Variants in NLGN1 observed in about 807,000 individuals in gnomAD.
The protein encoded by NLGN1 is neuroligin 1.
In NLGN1, 12 loss-of-function variants were observed where a neutral mutation model predicts 65.5. The observed-to-expected ratio is 0.18, with a 90% confidence interval of 0.12 to 0.30. NLGN1 has a LOEUF of 0.30. Ranked by LOEUF, NLGN1 falls within the 10% of genes least tolerant of loss-of-function variation. The pLI is 1.00. For missense variants in NLGN1, 750 were observed against 1,007.1 expected, an observed-to-expected ratio of 0.74 and a Z score of 3.46; for synonymous variants, 350 against 359.5, an observed-to-expected ratio of 0.97 and a Z score of 0.30.
chr3:173,858,757 T>TA (rs1182722689), intron 4 of NLGN1, among the ~76,000 whole-genome samples: 1 of 152,106 alleles, frequency 6.6e-6, no homozygotes, highest in Admixed American at 6.6e-5. Flanking sequence ...TGAGATGCCT[T>TA]ATTCATCTTT....
chr3:173,945,786 G>C (rs1747031441), intron 4 of NLGN1, among the ~76,000 whole-genome samples: 1 of 152,162 alleles, frequency 6.6e-6, no homozygotes, highest in South Asian at 2.1e-4. Flanking sequence ...ACAAGGGTTT[G>C]CTTCTTTCCT....
chr3:174,052,130 T>C (rs779337636), intron 4 of NLGN1, among the ~76,000 whole-genome samples: 3 of 152,032 alleles, frequency 2.0e-5, no homozygotes, highest in African/African-American at 4.8e-5. Context: ...GAGATGTCAC[T>C]GGGCTTTTTT....
chr3:173,797,571 A>T (rs138465472), intron 3 of NLGN1, among the ~76,000 whole-genome samples: 2 of 152,174 alleles, frequency 1.3e-5, no homozygotes, highest in African/African-American at 4.8e-5. Context: ...ACAATAAAAG[A>T]TGTCCTATAC....
At chr3:174,016,333 A>G (rs973388533) in intron 4 of NLGN1, among the ~76,000 whole-genome samples, 2 of 152,228 alleles carry the variant, frequency 1.3e-5, no homozygotes, top group African/African-American at 4.8e-5. Flanking sequence ...AAGTACACGT[A>G]CAAATACAGC....
chr3:173,841,157 A>ATG (rs1553866865), intron 4 of NLGN1, among the ~76,000 whole-genome samples: 2 of 151,770 alleles, frequency 1.3e-5, no homozygotes, highest in Non-Finnish European at 2.9e-5. Context: ...TTATATATAT[A>ATG]TATATCCCAA....
chr3:174,031,905 A>AT (rs1490066513), intron 4 of NLGN1, among the ~76,000 whole-genome samples: 4 of 152,056 alleles, frequency 2.6e-5, no homozygotes, highest in African/African-American at 9.7e-5. Flanking sequence ...TAGAAGAGGA[A>AT]TAAAAACTTC....
chr3:173,847,439 A>G (rs1391082115), intron 4 of NLGN1, among the ~76,000 whole-genome samples: 1 of 152,160 alleles, frequency 6.6e-6, no homozygotes, highest in East Asian at 1.9e-4. Context: ...TCAAGTGCTC[A>G]ATTCTTCAGA....
At chr3:173,620,642 T>C (rs1459064782) in intron 3 of NLGN1, among the ~76,000 whole-genome samples, 3 of 152,130 alleles carry the variant, frequency 2.0e-5, no homozygotes, top group Non-Finnish European at 4.4e-5. Context: ...AAAAGGTAAG[T>C]TCTTGAAAAT....
At chr3:173,705,936 G>A (rs1468246032) in intron 3 of NLGN1, among the ~76,000 whole-genome samples, 1 of 152,120 alleles carries the variant, frequency 6.6e-6, no homozygotes, top group Admixed American at 6.5e-5. Context: ...TTCTAAATAA[G>A]GTTGAGAGTA....
chr3:174,060,009 A>G (rs1737046270), intron 4 of NLGN1, among the ~76,000 whole-genome samples: 1 of 152,104 alleles, frequency 6.6e-6, no homozygotes, highest in Admixed American at 6.6e-5. Flanking sequence ...GAGTGGGAAG[A>G]GGGACACTCA....
At chr3:173,507,733 G>C (rs560052172) in intron 2 of NLGN1, among the ~76,000 whole-genome samples, 3 of 151,836 alleles carry the variant, frequency 2.0e-5, no homozygotes, top group African/African-American at 7.3e-5. Context: ...TGATTTAATC[G>C]TGACTATAAG....
At chr3:174,270,634 C>G (rs1225743454) in intron 4 of NLGN1, among the ~76,000 whole-genome samples, 1 of 151,712 alleles carries the variant, frequency 6.6e-6, no homozygotes, top group Non-Finnish European at 1.5e-5. Context: ...TACTTGCTTG[C>G]TGAAAGTTTG....
At chr3:174,130,435 T>G in intron 4 of NLGN1, among the ~76,000 whole-genome samples, 1 of 152,088 alleles carries the variant, frequency 6.6e-6, no homozygotes, top group East Asian at 1.9e-4. Context: ...CCTCCAAACC[T>G]TGGTCCAGTT....
chr3:173,736,509 T>C (rs1336033970), intron 3 of NLGN1, among the ~76,000 whole-genome samples: 4 of 151,988 alleles, frequency 2.6e-5, no homozygotes, highest in Non-Finnish European at 4.4e-5. Context: ...GACCAGAACA[T>C]AGTTGTAAGA....
intron 4 of NLGN1, among the ~76,000 whole-genome samples, chr3:174,237,109 A>G (rs906680233): frequency 1.3e-5 from 2 of 152,126 alleles, no homozygotes. Context: ...TAATTAATTT[A>G]TTGATAAAGT....
chr3:173,865,435 C>T (rs1303565773), intron 4 of NLGN1, among the ~76,000 whole-genome samples: 1 of 152,088 alleles, frequency 6.6e-6, no homozygotes, highest in Non-Finnish European at 1.5e-5. Flanking sequence ...TAATAACCAA[C>T]ATTGATTGGA....
Position 173,772,152 on chromosome 3 carries a change from C to T in NLGN1, c.494-35528C>T, listed in dbSNP as rs372311053. Among the ~76,000 whole-genome samples the T allele has an allele frequency of 1.4e-4, 21 of 152,106 alleles. No homozygotes were observed. The East Asian group carries it at 4.1e-3, about 29-fold the overall frequency. On this transcript the variant is annotated intron_variant, in intron 3 of 6. Coordinates refer to ENST00000457714, the Ensembl canonical transcript of NLGN1. Reference sequence around the variant, plus strand: ...GATTATTGGCTCATTTTTACTTTCCCTTTTGTGGATGTTAATCAAAGATTT... The same window carrying T: ...GATTATTGGCTCATTTTTACTTTCCTTTTTGTGGATGTTAATCAAAGATTT...
chr3:173,993,749 A>C (rs1435104933), intron 4 of NLGN1, among the ~76,000 whole-genome samples: 1 of 152,082 alleles, frequency 6.6e-6, no homozygotes, highest in Non-Finnish European at 1.5e-5. Context: ...TTTAATAATG[A>C]AGTACATATA....
intron 4 of NLGN1, among the ~76,000 whole-genome samples, chr3:174,060,670 A>G (rs750676481): frequency 1.3e-4 from 20 of 152,198 alleles, no homozygotes; most frequent in Non-Finnish European, 2.6e-4. Context: ...GTGAAGAGCC[A>G]TGCTGTAATT....
Sources: gnomAD v4.1 joint callset for allele counts (sites outside exome capture counted in the v4.1 genomes callset) on GRCh38, gnomAD v4.1.1 for gene constraint, MANE v1.5 for transcripts, NCBI Gene and HGNC (gene_info 2026-07-23, HGNC 2026-07-21) for gene names.